The following YWHAB variants were observed in gnomAD, a reference collection of about 807,000 sequenced individuals.
YWHAB encodes tyrosine 3-monooxygenase/tryptophan 5-monooxygenase activation protein beta.
YWHAB carries 2 observed loss-of-function variants against 28.5 expected under a neutral mutation model. The ratio of observed to expected loss-of-function variants is 0.07; its 90% CI spans 0.03 to 0.22. YWHAB has a LOEUF of 0.22. Ranked by LOEUF, YWHAB falls within the 10% of genes least tolerant of loss-of-function variation. The probability of loss-of-function intolerance (pLI) is 1.00; values close to 1 mark genes in which losing one functional copy is unlikely to be tolerated. For synonymous variants in YWHAB, 103 were observed against 104.7 expected, an observed-to-expected ratio of 0.98 and a Z score of 0.10; for missense variants, 148 against 297.1, an observed-to-expected ratio of 0.50 and a Z score of 3.69.
rs542247286 is a variant in YWHAB, at chr20:44,905,812, G to A, written c.589-189G>A. The stretch of plus-strand genomic sequence containing the variant: ...TTCTTACCTTGGAGTTTCTGTCATT[G>A]TTGGTTGGTGCTTTGTAAATATGCC... On this transcript the variant is annotated intron_variant, in intron 4 of 5. Transcript: ENST00000353703. 37 of 515,790 alleles carry A rather than the reference G, an allele frequency of 7.2e-5. No homozygotes were observed. The East Asian group carries it at 9.5e-4, about 13-fold the overall frequency. The allele number at this position is 515,790 out of a possible 1,614,324, so 32.0% of individuals were successfully genotyped here. A position where few individuals can be genotyped will look rare whatever the true frequency, so the allele number is the denominator to read the frequency against.
rs563527278 is a variant in YWHAB at position 44,896,136 on chromosome 20, A to G, written c.-3-5395A>G. Among the ~76,000 whole-genome samples the G allele has an allele frequency of 5.3e-5, 8 of 152,374 alleles. No individual in the cohort carries two copies. In the East Asian group the frequency reaches 1.5e-3, roughly 29 times the overall value. The stretch of plus-strand genomic sequence containing the variant: ...ATATTCATTAGAGCAATGCCGTCCC[A>G]TAGGAATAGAATATAAGCCACATGT... On this transcript the variant is annotated intron_variant, in intron 1 of 5. Coordinates refer to ENST00000353703, the MANE Select transcript of YWHAB (RefSeq NM_139323.4).
chr20:44,901,611 A>G lies in YWHAB; in HGVS notation c.78A>G (p.Ala26=). ...EQAERYDDMA[A]AMKAVTEQGH... ...CTGAGCGATATGATGATATGGCTGCAGCCATGAAGGCAGTCACAGAACAGG... is the reference window on the plus strand; with the variant it reads ...CTGAGCGATATGATGATATGGCTGCGGCCATGAAGGCAGTCACAGAACAGG... The change falls in exon 2 of 6, where the codon GCA becomes GCG. Residue 26 remains alanine, a synonymous_variant. Transcript: ENST00000353703. 6.2e-7 allele frequency: 1 copy of G among 1,614,196 alleles called. No homozygotes were observed.
intron 1 of YWHAB, among the ~76,000 whole-genome samples, chr20:44,893,160 G>A (rs899187430): frequency 6.6e-6 from 1 of 151,898 alleles, no homozygotes; most frequent in Non-Finnish European, 1.5e-5. Flanking sequence ...CTAGCCACTG[G>A]GAAATAACTT....
intron 1 of YWHAB, among the ~76,000 whole-genome samples, chr20:44,888,095 G>A (rs1055716753): frequency 1.3e-5 from 2 of 152,152 alleles, no homozygotes; most frequent in Admixed American, 1.3e-4. Flanking sequence ...ATATATTTTT[G>A]TTGCGACAAG....
At chr20:44,899,216 G>A (rs1310147683) in intron 1 of YWHAB, among the ~76,000 whole-genome samples, 1 of 150,998 alleles carries the variant, frequency 6.6e-6, no homozygotes, top group Non-Finnish European at 1.5e-5. Context: ...AGTGGGTCAC[G>A]CCTGTAAGTC....
intron 1 of YWHAB, among the ~76,000 whole-genome samples, chr20:44,892,535 T>C (rs577844694): frequency 3.2e-4 from 49 of 152,308 alleles, no homozygotes; most frequent in Admixed American, 3.3e-4. Flanking sequence ...TAAATTCCTC[T>C]CAATGAATAA....
chr20:44,890,677 A>C (rs1368881645), intron 1 of YWHAB, among the ~76,000 whole-genome samples: 1 of 151,638 alleles, frequency 6.6e-6, no homozygotes. Context: ...CGCCCAGCTA[A>C]TTTTTGTATT....
chr20:44,892,668 GC>G (rs552105868), intron 1 of YWHAB, among the ~76,000 whole-genome samples: 2 of 152,094 alleles, frequency 1.3e-5, no homozygotes, highest in Non-Finnish European at 1.5e-5. Flanking sequence ...TGGCTTATGA[GC>G]CTTTACTCTA....
At chr20:44,891,951 T>C (rs2066565000) in intron 1 of YWHAB, among the ~76,000 whole-genome samples, 1 of 152,170 alleles carries the variant, frequency 6.6e-6, no homozygotes, top group African/African-American at 2.4e-5. Context: ...ATAGTGGGTG[T>C]TTTTTAGTGA....
rs1045278251 is a variant in YWHAB, at chr20:44,885,745, C to T, written c.-145C>T. ...GCCACCGCCGCCGCCGATTCCGGAGCCGGGGTAGTCGCCGCCGCCGCCGCC... is the reference window on the plus strand; with the variant it reads ...GCCACCGCCGCCGCCGATTCCGGAGTCGGGGTAGTCGCCGCCGCCGCCGCC... On this transcript the variant is annotated 5_prime_UTR_variant, in exon 1 of 6. Transcript: ENST00000353703. The T allele has an allele frequency of 1.8e-5, 3 of 170,832 alleles. No homozygotes were observed. The highest frequency in any genetic ancestry group is 6.7e-5 in the Admixed American group (1 of 14,834). The allele number at this position is 170,832 out of a possible 1,614,324, so 10.6% of individuals were successfully genotyped here. A position where few individuals can be genotyped will look rare whatever the true frequency, so the allele number is the denominator to read the frequency against.
At chr20:44,896,039 A>G (rs2066593883) in intron 1 of YWHAB, among the ~76,000 whole-genome samples, 1 of 152,208 alleles carries the variant, frequency 6.6e-6, no homozygotes, top group Non-Finnish European at 1.5e-5. Context: ...AGGAGACACT[A>G]TGTAAGTAAT....
At chr20:44,902,572 C>T (rs1265972145) in intron 2 of YWHAB, 5 of 152,156 alleles carry the variant, frequency 3.3e-5, no homozygotes, top group Non-Finnish European at 5.9e-5. Flanking sequence ...CACTTGGGGA[C>T]CTACCACCTT....
At chr20:44,903,009 G>A in intron 2 of YWHAB, 1 of 978,348 alleles carries the variant, frequency 1.0e-6, no homozygotes, top group South Asian at 4.7e-5. Flanking sequence ...GTGAAGAAGA[G>A]CTTGGTACTT....
At chr20:44,902,999 G>A (rs2066636215) in intron 2 of YWHAB, 2 of 962,056 alleles carry the variant, frequency 2.1e-6, no homozygotes, top group Non-Finnish European at 2.5e-6. Flanking sequence ...CTGAAAGAAT[G>A]TGAAGAAGAG....
In YWHAB at chr20:44,904,022, T is replaced by C; in HGVS notation, c.330T>C (p.Asn110=). 3 of 1,599,562 alleles carry C rather than the reference T, an allele frequency of 1.9e-6. No homozygotes were observed. Among genetic ancestry groups the C allele is most frequent in the Non-Finnish European group, 2.5e-6 (3 of 1,176,714 alleles). ...LELLDKYLIP[N]ATQPESKVFY... ...TGTTGGACAAATATCTTATTCCCAA[T>C]GCTACACAACCAGAAAGTAAGGTGT... The change falls in exon 3 of 6, where the codon AAT becomes AAC. Residue 110 remains asparagine, a synonymous_variant. Transcript: ENST00000353703.
chr20:44,906,231 T>G (rs1344499254), intron 5 of YWHAB, 135 bp downstream of exon 5: 5 of 1,124,182 alleles, frequency 4.4e-6, no homozygotes, highest in Non-Finnish European at 6.5e-6. Context: ...TATAAATGAC[T>G]GCTGAAGTTT....
intron 1 of YWHAB, among the ~76,000 whole-genome samples, chr20:44,897,041 G>A (rs1429748850): frequency 6.6e-6 from 1 of 152,092 alleles, no homozygotes; most frequent in East Asian, 1.9e-4. Flanking sequence ...CAGTAATCTC[G>A]GAGAAGCTTA....
chr20:44,891,825 G>C (rs957301445), intron 1 of YWHAB, among the ~76,000 whole-genome samples: 2 of 152,200 alleles, frequency 1.3e-5, no homozygotes, highest in African/African-American at 2.4e-5. Context: ...TAATGACTTT[G>C]TATTACAGAT....
chr20:44,903,556 C>G (rs543592360), intron 2 of YWHAB: 1 of 153,500 alleles, frequency 6.5e-6, no homozygotes, highest in East Asian at 1.9e-4. Flanking sequence ...AATCTTACCA[C>G]CCAGAGAACC....
Sources: gnomAD v4.1 joint callset for allele counts (sites outside exome capture counted in the v4.1 genomes callset) on GRCh38, gnomAD v4.1.1 for gene constraint, MANE v1.5 for transcripts, NCBI Gene and HGNC (gene_info 2026-07-23, HGNC 2026-07-21) for gene names.